Variants in ABCA1 observed in about 807,000 individuals in gnomAD.
ABCA1 encodes ATP binding cassette subfamily A member 1.
Under a neutral mutation model 262.5 loss-of-function variants are expected in ABCA1, and 133 were observed. The ratio of observed to expected loss-of-function variants is 0.51; its 90% CI spans 0.44 to 0.59. The LOEUF (loss-of-function observed/expected upper bound fraction) is 0.59, where lower values mean the gene tolerates loss of function less well. Ranked by LOEUF, ABCA1 falls within the 20% of genes least tolerant of loss-of-function variation. ABCA1 has a pLI of 0.00. For missense variants in ABCA1, 2,452 were observed against 2,777.5 expected, an observed-to-expected ratio of 0.88 and a Z score of 2.63; for synonymous variants, 1,022 against 1,043.5, an observed-to-expected ratio of 0.98 and a Z score of 0.40.
intron 28 of ABCA1, among the ~76,000 whole-genome samples, 187 bp from the exon 29 acceptor site, chr9:104,811,111 G>A (rs1831242914): frequency 6.6e-6 from 1 of 152,290 alleles, no homozygotes; most frequent in South Asian, 2.1e-4. Flanking sequence ...AATGGAGCCT[G>A]AAAACTAAAC....
At position 104,827,439 on chromosome 9, in the gene ABCA1, C is replaced by G. The variant is rs571445024; in HGVS notation, c.2116-270G>C. On this transcript the variant is annotated intron_variant, in intron 15 of 49. Transcript: ENST00000374736. ...ACGCATTTCAGTGGGCGAGTTTGCT[C>G]TTTGTTTCTTCAATAGGTAATTTCA... Among the ~76,000 whole-genome samples the G allele has an allele frequency of 2.8e-4, 42 of 152,302 alleles. 1 individual carries two copies. The South Asian group carries it at 7.9e-3, about 29-fold the overall frequency.
At position 104,850,352 on chromosome 9, in the gene ABCA1, C is replaced by T. The variant is rs117061338; in HGVS notation, c.721-4783G>A. 4.5e-4 allele frequency among the ~76,000 whole-genome samples: 69 copies of T among 152,322 alleles called. 1 individual carries two copies. The East Asian group carries it at 9.6e-3, about 21-fold the overall frequency. ...GGCCAAGCTGGTCTCCAACTCCTGA[C>T]CTCCAGTGATCTGGCTGCCTCAGAC... On this transcript the variant is annotated intron_variant, in intron 7 of 49. Transcript: ENST00000374736.
chr9:104,786,897 C>T lies in ABCA1; in HGVS notation c.6284G>A (p.Arg2095Lys). 1 of 1,614,036 alleles carries T rather than the reference C, an allele frequency of 6.2e-7. No individual in the cohort carries two copies. Among genetic ancestry groups the T allele is most frequent in the Non-Finnish European group, 8.5e-7 (1 of 1,179,944 alleles). ...CCTATGAGATGTAAGCACTACTGAT[C>T]TCCCCTCCTTGACAACACTTAGGGC... The part of the protein sequence containing the change: ...NCALSVVKEG[R>K]SVVLTSHSME... The change falls in exon 47 of 50, where the codon AGA (arginine) becomes AAA (lysine). Residue 2095 changes from arginine (R) to lysine (K), a missense_variant. This residue lies in a region of ABCA1 where 752 missense variants were observed against 944.5 expected (regional missense o/e 0.80). Transcript: ENST00000374736.
At chr9:104,898,354 G>A (rs947003544) in intron 2 of ABCA1, among the ~76,000 whole-genome samples, 2 of 151,928 alleles carry the variant, frequency 1.3e-5, no homozygotes, top group African/African-American at 4.8e-5. Flanking sequence ...TTTCAGACCA[G>A]CCTGGCCAAT....
At position 104,884,553 on chromosome 9, in the gene ABCA1, T is replaced by TTA; in HGVS notation, c.174_175dup (p.Lys59IlefsTer65). The TTA allele has an allele frequency of 1.2e-6, 2 of 1,614,218 alleles. No individual in the cohort carries two copies. The highest frequency in any genetic ancestry group is 1.7e-6 in the Non-Finnish European group (2 of 1,180,032). On this transcript the variant is annotated frameshift_variant, in exon 4 of 50. Coordinates refer to ENST00000374736, the MANE Select transcript of ABCA1 (RefSeq NM_005502.4). LOFTEE classifies it high-confidence loss of function. ...AAGTGTTCCTGCAGAGGGCATGGCT[T>TTA]TATTTGGAAAATGGCCTGTTGAAAT...
Position 104,819,665 on chromosome 9 carries a change from G to C in ABCA1, c.3162C>G (p.Val1054=). The change falls in exon 22 of 50, where the codon GTC becomes GTG. Residue 1054 remains valine, a synonymous_variant. Transcript: ENST00000374736. ...ALAFVGGSKV[V]ILDEPTAGVD... ...CACCAGCTGTGGGTTCATCCAGAATGACAACCTTAGATCCCCCGACAAAGG... is the reference window on the plus strand; with the variant it reads ...CACCAGCTGTGGGTTCATCCAGAATCACAACCTTAGATCCCCCGACAAAGG... The C allele has an allele frequency of 6.2e-7, 1 of 1,614,172 alleles. No homozygotes were observed. Among genetic ancestry groups the C allele is most frequent in the East Asian group, 2.2e-5 (1 of 44,878 alleles).
intron 5 of ABCA1, among the ~76,000 whole-genome samples, chr9:104,863,736 T>A (rs899335646): frequency 3.0e-4 from 46 of 152,250 alleles, no homozygotes; most frequent in African/African-American, 1.1e-3. Flanking sequence ...TTATTCCTCA[T>A]GACAGCCAGT....
chr9:104,845,650 A>G (rs1834804598), intron 7 of ABCA1, 81 bp from the exon 8 acceptor site: 4 of 974,122 alleles, frequency 4.1e-6, no homozygotes, highest in Admixed American at 1.9e-5. Context: ...GTGAATTAAA[A>G]CTGTTCACAA....
At chr9:104,787,483 C>G (rs895023145) in intron 46 of ABCA1, among the ~76,000 whole-genome samples, 1 of 152,046 alleles carries the variant, frequency 6.6e-6, no homozygotes, top group African/African-American at 2.4e-5. Flanking sequence ...CATCAATGCT[C>G]TTATCTACAG....
intron 34 of ABCA1, among the ~76,000 whole-genome samples, chr9:104,801,218 T>C (rs1410051436): frequency 1.3e-5 from 2 of 152,132 alleles, no homozygotes; most frequent in African/African-American, 2.4e-5. Context: ...GTAAACCTGG[T>C]TGTTCTGAGA....
intron 35 of ABCA1, 53 bp from the exon 36 acceptor site, chr9:104,800,041 A>G: frequency 6.2e-7 from 1 of 1,605,386 alleles, no homozygotes; most frequent in Non-Finnish European, 8.5e-7. Flanking sequence ...GGGCTCCTGC[A>G]GGCAGGTGCA....
intron 8 of ABCA1, 88 bp from the exon 9 acceptor site, chr9:104,840,607 T>A (rs1834282590): frequency 7.7e-7 from 1 of 1,294,666 alleles, no homozygotes; most frequent in East Asian, 2.5e-5. Context: ...GAAAGAAACA[T>A]CTTATTTTCT....
chr9:104,854,257 C>T (rs1835636125), intron 7 of ABCA1, among the ~76,000 whole-genome samples: 1 of 152,154 alleles, frequency 6.6e-6, no homozygotes, highest in African/African-American at 2.4e-5. Context: ...CATCTGATAT[C>T]CTGGATGAGC....
intron 1 of ABCA1, among the ~76,000 whole-genome samples, chr9:104,923,638 A>C (rs1842268541): frequency 6.6e-6 from 1 of 152,266 alleles, no homozygotes; most frequent in Non-Finnish European, 1.5e-5. Flanking sequence ...GGCTGGGTTC[A>C]AGTCTTAGCT....
At chr9:104,856,214 T>G in intron 7 of ABCA1, 1 of 1,406,520 alleles carries the variant, frequency 7.1e-7, no homozygotes, top group Non-Finnish European at 9.3e-7. Context: ...GAGTCACATT[T>G]CAAAATGTTT....
At position 104,856,693 on chromosome 9, in the gene ABCA1, A is replaced by G. The variant is rs555570073; in HGVS notation, c.720+1829T>C. 5.3e-5 allele frequency among the ~76,000 whole-genome samples: 8 copies of G among 152,308 alleles called. No homozygotes were observed. The South Asian group carries it at 1.7e-3, about 32-fold the overall frequency. ...CAATAGGTGTTTAATGAGTAAACAG[A>G]AGTGAAATGGAATGAATGGGCACAG... On this transcript the variant is annotated intron_variant, in intron 7 of 49. Transcript: ENST00000374736.
intron 46 of ABCA1, among the ~76,000 whole-genome samples, chr9:104,787,537 C>A (rs997739773): frequency 6.6e-6 from 1 of 152,152 alleles, no homozygotes; most frequent in Non-Finnish European, 1.5e-5. Flanking sequence ...ATCTGTTTTT[C>A]ATCTATCCGT....
chr9:104,907,254 C>T (rs1319813300), intron 1 of ABCA1, among the ~76,000 whole-genome samples: 2 of 152,210 alleles, frequency 1.3e-5, no homozygotes, highest in African/African-American at 2.4e-5. Flanking sequence ...GCTAGCCTGG[C>T]TAATGCCTAG....
chr9:104,800,660 G>C lies in ABCA1; in HGVS notation c.4699-76C>G. 4 of 1,323,780 alleles carry C rather than the reference G, an allele frequency of 3.0e-6. No homozygotes were observed. The South Asian group carries it at 4.7e-5, about 16-fold the overall frequency. The allele number at this position is 1,323,780 out of a possible 1,614,324, so 82.0% of individuals were successfully genotyped here. On this transcript the variant is annotated intron_variant, in intron 34 of 49. Transcript: ENST00000374736. The stretch of plus-strand genomic sequence containing the variant: ...GGCAACAGTCAATCTGGAACCTGTG[G>C]ACAACAGGACGGCCCTGTGAAGAGC...
Sources: allele counts gnomAD v4.1 joint callset (sites outside exome capture counted in the v4.1 genomes callset), GRCh38; gene constraint gnomAD v4.1.1; regional missense constraint gnomAD v4.1.1; transcripts MANE v1.5; gene names NCBI Gene and HGNC (gene_info 2026-07-23, HGNC 2026-07-21).